Variants in LIMA1 observed in about 807,000 individuals in gnomAD.
LIMA1 encodes the protein LIM domain and actin-binding protein 1.
In LIMA1, 52 loss-of-function variants were observed where a neutral mutation model predicts 62.6. The observed-to-expected ratio is 0.83, with a 90% CI of 0.67 to 1.05. LIMA1 has a LOEUF of 1.05. LIMA1 is among the 50% of genes least tolerant of loss of function. LIMA1 has a pLI of 0.00. For missense variants in LIMA1, 780 were observed against 902.2 expected, an observed-to-expected ratio of 0.86 and a Z score of 1.74; for synonymous variants, 302 against 317.8, an observed-to-expected ratio of 0.95 and a Z score of 0.53.
chr12:50,197,518 A>C (rs894435954), intron 7 of LIMA1, among the ~76,000 whole-genome samples: 1 of 152,198 alleles, frequency 6.6e-6, no homozygotes, highest in African/African-American at 2.4e-5. Context: ...AACCTGCAGC[A>C]TGTGCTTGAA....
intron 4 of LIMA1, among the ~76,000 whole-genome samples, chr12:50,209,216 T>C (rs1941208663): frequency 6.6e-6 from 1 of 152,024 alleles, no homozygotes; most frequent in Non-Finnish European, 1.5e-5. Flanking sequence ...TCATGAATTA[T>C]TATACATCCA....
At chr12:50,182,933 G>A (rs908978498) in intron 9 of LIMA1, among the ~76,000 whole-genome samples, 2 of 152,220 alleles carry the variant, frequency 1.3e-5, no homozygotes, top group East Asian at 1.9e-4. Flanking sequence ...GCCAGGTGCG[G>A]TGGCTCATGC....
At chr12:50,202,746 T>C (rs912205600) in intron 6 of LIMA1, among the ~76,000 whole-genome samples, 4 of 152,212 alleles carry the variant, frequency 2.6e-5, no homozygotes, top group African/African-American at 7.2e-5. Context: ...TACTTAATAA[T>C]GTGGGGAAGA....
intron 3 of LIMA1, among the ~76,000 whole-genome samples, chr12:50,231,050 T>G (rs1403835095): frequency 1.3e-5 from 2 of 152,196 alleles, no homozygotes; most frequent in African/African-American, 4.8e-5. Context: ...AATTAAGGAA[T>G]TATTGACCAA....
At chr12:50,248,178 T>C (rs1941876854) in intron 2 of LIMA1, among the ~76,000 whole-genome samples, 1 of 152,230 alleles carries the variant, frequency 6.6e-6, no homozygotes. Context: ...ACCTATATAG[T>C]GGCTACCACA....
chr12:50,224,977 AC>A (rs1194479878), intron 3 of LIMA1, among the ~76,000 whole-genome samples: 1 of 142,262 alleles, frequency 7.0e-6, no homozygotes, highest in African/African-American at 2.7e-5. Context: ...ATCTCGGCTC[AC>A]TGCAACCTCG....
chr12:50,214,410 A>G (rs541914345), intron 4 of LIMA1, among the ~76,000 whole-genome samples: 4 of 152,366 alleles, frequency 2.6e-5, no homozygotes, highest in Admixed American at 6.5e-5. Flanking sequence ...GGCAAATTAA[A>G]GATATACTCC....
At chr12:50,235,662 G>T (rs1490281725) in intron 2 of LIMA1, among the ~76,000 whole-genome samples, 2 of 152,108 alleles carry the variant, frequency 1.3e-5, no homozygotes, top group Non-Finnish European at 2.9e-5. Context: ...CTCTCTAATG[G>T]GGTAGGGTAA....
chr12:50,191,654 T>C (rs1940775161), intron 9 of LIMA1, among the ~76,000 whole-genome samples: 1 of 151,618 alleles, frequency 6.6e-6, no homozygotes, highest in Non-Finnish European at 1.5e-5. Context: ...ACCCCGTCTC[T>C]ACTAAAACTA....
At chr12:50,224,037 CAAA>C (rs1000536553) in intron 3 of LIMA1, among the ~76,000 whole-genome samples, 2 of 132,132 alleles carry the variant, frequency 1.5e-5, no homozygotes, top group Non-Finnish European at 3.3e-5. Context: ...GACTCTGTCT[CAAA>C]AAAAAAAAGA....
chr12:50,203,229 G>A (rs574242019), intron 6 of LIMA1, among the ~76,000 whole-genome samples: 187 of 151,640 alleles, frequency 1.2e-3, no homozygotes, highest in Non-Finnish European at 2.2e-3. Context: ...TGGCCAGGCT[G>A]GTTCTGAACT....
intron 4 of LIMA1, among the ~76,000 whole-genome samples, chr12:50,208,404 T>C (rs1222868562): frequency 6.6e-6 from 1 of 152,154 alleles, no homozygotes; most frequent in Non-Finnish European, 1.5e-5. Flanking sequence ...GAGAATCGCT[T>C]GAACCCAGGA....
chr12:50,250,563 CAAAAAA>C (rs754126420), intron 1 of LIMA1, among the ~76,000 whole-genome samples: 3 of 33,894 alleles, frequency 8.9e-5, no homozygotes, highest in African/African-American at 2.5e-4. Flanking sequence ...AAGATGTTCT[CAAAAAA>C]AAAAAAAAAA....
intron 1 of LIMA1, among the ~76,000 whole-genome samples, chr12:50,265,840 CA>C (rs962788294): frequency 4.7e-5 from 7 of 147,576 alleles, no homozygotes; most frequent in Non-Finnish European, 6.0e-5. Flanking sequence ...AGGTGGTTTT[CA>C]AAAAAAAAAC....
intron 1 of LIMA1, among the ~76,000 whole-genome samples, chr12:50,275,383 T>A (rs1442890763): frequency 4.6e-5 from 7 of 151,780 alleles, no homozygotes; most frequent in Non-Finnish European, 8.8e-5. Context: ...TAAAATAAAA[T>A]GAGTTCTTAA....
At chr12:50,217,719 T>C in intron 4 of LIMA1, 1 of 290,908 alleles carries the variant, frequency 3.4e-6, no homozygotes, top group South Asian at 3.6e-5. Flanking sequence ...GGGGAAGGTG[T>C]TCGATCCTTG....
intron 1 of LIMA1, among the ~76,000 whole-genome samples, chr12:50,279,153 G>A (rs1942309322): frequency 6.6e-6 from 1 of 151,144 alleles, no homozygotes; most frequent in Non-Finnish European, 1.5e-5. Flanking sequence ...CTACAGGCAT[G>A]CGCCACCATG....
chr12:50,275,547 A>G (rs547123993), intron 1 of LIMA1, among the ~76,000 whole-genome samples: 1 of 152,288 alleles, frequency 6.6e-6, no homozygotes, highest in East Asian at 1.9e-4. Context: ...GTTAAGTATA[A>G]AGACTGGGGA....
chr12:50,250,143 A>T (rs1378052597), intron 1 of LIMA1, among the ~76,000 whole-genome samples: 1 of 152,018 alleles, frequency 6.6e-6, no homozygotes, highest in Middle Eastern at 3.2e-3. Flanking sequence ...TACTGAAAAC[A>T]CAAAATTAGC....
Sources: allele counts gnomAD v4.1 joint callset (sites outside exome capture counted in the v4.1 genomes callset), GRCh38; gene constraint gnomAD v4.1.1; transcripts MANE v1.5; gene names NCBI Gene and HGNC (gene_info 2026-07-23, HGNC 2026-07-21).